Variants in LINGO2 observed in about 807,000 individuals in gnomAD.
The protein encoded by LINGO2 is leucine rich repeat and Ig domain containing 2, also known as leucine-rich repeat and immunoglobulin-like domain-containing nogo receptor-interacting protein 2.
LINGO2 carries 14 observed loss-of-function variants against 30.6 expected under a neutral mutation model. The observed-to-expected ratio is 0.46, with a 90% confidence interval of 0.30 to 0.72. LINGO2 has a LOEUF of 0.72. LINGO2 is among the 30% of genes least tolerant of loss of function. The probability of loss-of-function intolerance (pLI) is 0.07; values close to 1 mark genes in which losing one functional copy is unlikely to be tolerated. For synonymous variants in LINGO2, 317 were observed against 288.5 expected (o/e 1.10, Z -1.00); for missense variants, 729 against 751.7 (o/e 0.97, Z 0.35).
the LINGO2 span, among the ~76,000 whole-genome samples, chr9:28,822,620 G>A: frequency 6.6e-6 from 1 of 152,076 alleles, no homozygotes. Flanking sequence ...GACTAGACTG[G>A]CCTAGCCTCC....
intron 2 of LINGO2, among the ~76,000 whole-genome samples, chr9:28,393,967 T>C (rs181052027): frequency 6.9e-4 from 104 of 151,824 alleles, no homozygotes; most frequent in African/African-American, 2.3e-3. Context: ...AGTTACTGAA[T>C]GGTAAGTTGG....
intron 3 of LINGO2, among the ~76,000 whole-genome samples, chr9:28,313,778 T>G (rs1184235324): frequency 6.6e-6 from 1 of 152,186 alleles, no homozygotes; most frequent in Non-Finnish European, 1.5e-5. Context: ...GGAGTGCCAA[T>G]GAATATTAAC....
intron 4 of LINGO2, among the ~76,000 whole-genome samples, chr9:28,103,285 A>T (rs1826470569): frequency 6.6e-6 from 1 of 152,296 alleles, no homozygotes; most frequent in African/African-American, 2.4e-5. Flanking sequence ...GCTGTGTTAG[A>T]TTACATAAAC....
intron 4 of LINGO2, among the ~76,000 whole-genome samples, chr9:28,247,996 T>C (rs1822063173): frequency 6.6e-6 from 1 of 152,192 alleles, no homozygotes; most frequent in South Asian, 2.1e-4. Context: ...GCAACCCTCA[T>C]ACACTGTTGG....
the LINGO2 span, among the ~76,000 whole-genome samples, chr9:29,125,403 G>A: frequency 6.6e-5 from 10 of 151,676 alleles, no homozygotes; most frequent in African/African-American, 2.4e-4. Context: ...TTCTGCACAT[G>A]TATCCCAGAA....
chr9:28,483,087 T>C (rs112569100), intron 1 of LINGO2, among the ~76,000 whole-genome samples: 21 of 152,208 alleles, frequency 1.4e-4, no homozygotes, highest in African/African-American at 5.1e-4. Context: ...ACCTAAAACG[T>C]GCAAGGTATT....
the LINGO2 span, among the ~76,000 whole-genome samples, chr9:28,970,408 C>A: frequency 5.6e-4 from 86 of 152,250 alleles, no homozygotes; most frequent in African/African-American, 1.9e-3. Context: ...AAGAAAAGCA[C>A]CTTCATCAGA....
At chr9:29,031,985 C>A in the LINGO2 span, among the ~76,000 whole-genome samples, 1 of 152,094 alleles carries the variant, frequency 6.6e-6, no homozygotes, top group Admixed American at 6.6e-5. Flanking sequence ...GAGGTTTTGT[C>A]CCTCAAGGGC....
chr9:28,489,023 G>C (rs1439682174), intron 1 of LINGO2, among the ~76,000 whole-genome samples: 1 of 152,120 alleles, frequency 6.6e-6, no homozygotes, highest in South Asian at 2.1e-4. Context: ...TGAGACCGAG[G>C]CTTCAAGAAC....
chr9:28,480,616 T>C (rs112246348), intron 1 of LINGO2, among the ~76,000 whole-genome samples: 3 of 152,248 alleles, frequency 2.0e-5, no homozygotes, highest in African/African-American at 7.2e-5. Flanking sequence ...GTAACTTTAA[T>C]ATCCTTCAGT....
intron 4 of LINGO2, among the ~76,000 whole-genome samples, chr9:28,276,121 T>C (rs759680857): frequency 8.5e-5 from 13 of 152,182 alleles, no homozygotes; most frequent in Non-Finnish European, 1.9e-4. Flanking sequence ...GGGATTTGAC[T>C]ATCTAAGAAT....
chr9:28,591,481 T>C (rs1050277205), intron 1 of LINGO2, among the ~76,000 whole-genome samples: 17 of 152,056 alleles, frequency 1.1e-4, no homozygotes, highest in Non-Finnish European at 2.1e-4. Context: ...AATGAAAAGG[T>C]ATTTCTGCCC....
At chr9:29,104,154 A>G in the LINGO2 span, among the ~76,000 whole-genome samples, 3,940 of 152,220 alleles carry the variant, frequency 0.026, 154 homozygotes, top group African/African-American at 0.088. Flanking sequence ...GAAATAACAT[A>G]CACTGGGTGA....
chr9:28,128,972 G>A (rs763583951), intron 4 of LINGO2, among the ~76,000 whole-genome samples: 2 of 152,160 alleles, frequency 1.3e-5, no homozygotes, highest in African/African-American at 4.8e-5. Flanking sequence ...GAGGTAGAAG[G>A]AGCTAACTTG....
the LINGO2 span, among the ~76,000 whole-genome samples, chr9:29,189,191 G>A: frequency 1.4e-5 from 2 of 147,176 alleles, no homozygotes; most frequent in African/African-American, 5.0e-5. Flanking sequence ...GCCAGGCAGA[G>A]GGGCTCCTCA....
intron 4 of LINGO2, among the ~76,000 whole-genome samples, chr9:28,088,125 A>T (rs1167827968): frequency 6.6e-6 from 1 of 151,920 alleles, no homozygotes; most frequent in Non-Finnish European, 1.5e-5. Flanking sequence ...CTGTTTTCTT[A>T]TCTATAGTAT....
chr9:28,876,863 A>G, the LINGO2 span, among the ~76,000 whole-genome samples: 7,672 of 152,054 alleles, frequency 0.05, 629 homozygotes, highest in African/African-American at 0.17. Flanking sequence ...TTGCAGTCCC[A>G]CCAACAGTGT....
At chr9:28,597,667 T>A (rs1229383627) in intron 1 of LINGO2, among the ~76,000 whole-genome samples, 1 of 152,216 alleles carries the variant, frequency 6.6e-6, no homozygotes, top group Non-Finnish European at 1.5e-5. Context: ...TATTGTATAG[T>A]CATAGAAGTA....
the LINGO2 span, among the ~76,000 whole-genome samples, chr9:28,847,064 C>T: frequency 2.1e-5 from 3 of 145,598 alleles, 1 homozygote; most frequent in African/African-American, 5.4e-5. Context: ...GTAGCCCCAA[C>T]AAGCTACATG....
Sources: allele counts gnomAD v4.1 joint callset (sites outside exome capture counted in the v4.1 genomes callset), GRCh38; gene constraint gnomAD v4.1.1; transcripts MANE v1.5; gene names NCBI Gene and HGNC (gene_info 2026-07-23, HGNC 2026-07-21).